Variants in SERPINB11 observed in about 807,000 individuals in gnomAD.
The protein encoded by SERPINB11 is serpin family B member 11.
In SERPINB11, 32 loss-of-function variants were observed where a neutral mutation model predicts 36.7. The ratio of observed to expected loss-of-function variants is 0.87; its 90% CI spans 0.66 to 1.17. The LOEUF (loss-of-function observed/expected upper bound fraction) is 1.17, where lower values mean the gene tolerates loss of function less well. Ranked by LOEUF, SERPINB11 falls within the 50% of genes most tolerant of loss-of-function variation. The pLI is 0.00. For missense variants in SERPINB11, 528 were observed against 458.4 expected, an observed-to-expected ratio of 1.15 and a Z score of -1.39; for synonymous variants, 174 against 168.1, an observed-to-expected ratio of 1.04 and a Z score of -0.27.
chr18:63,707,838 T>A (rs1914412028), intron 1 of SERPINB11, among the ~76,000 whole-genome samples: 2 of 152,162 alleles, frequency 1.3e-5, no homozygotes, highest in South Asian at 4.1e-4. Flanking sequence ...CTTGGTGTAA[T>A]GTACTATACA....
intron 5 of SERPINB11, among the ~76,000 whole-genome samples, chr18:63,716,647 C>G (rs956044899): frequency 6.6e-6 from 1 of 152,104 alleles, no homozygotes. Context: ...TCTAGATATT[C>G]TATCATTTTC....
intron 1 of SERPINB11, among the ~76,000 whole-genome samples, chr18:63,707,218 G>GCCC (rs1422414933): frequency 1.3e-5 from 2 of 152,350 alleles, no homozygotes; most frequent in East Asian, 3.9e-4. Context: ...ACAAGGGAGT[G>GCCC]AAAGGGAAGG....
rs1568184442 is a variant in SERPINB11, at chr18:63,711,389, C to T, written c.223C>T (p.Pro75Ser). 5.6e-6 allele frequency: 9 copies of T among 1,599,774 alleles called. No individual in the cohort carries two copies. The highest frequency in any genetic ancestry group is 7.7e-6 in the Non-Finnish European group (9 of 1,167,682). Residue 75 changes from proline to serine, a missense_variant, in exon 3 of 8, where the codon CCT (proline) becomes TCT (serine). Physicochemically the swap from Pro to Ser is moderately conservative, Grantham distance 74. Coordinates refer to ENST00000544088, the MANE Select transcript of SERPINB11 (RefSeq NM_001370475.1). ...ATTAAAACCAGGGTTCAAGGACTCA[C>T]CTAAGGTATGATAATATTACTGAGT... ...DSLKPGFKDS[P>S]KCSQAGRIHS...
At chr18:63,719,580 A>G (rs1160570359) in intron 5 of SERPINB11, among the ~76,000 whole-genome samples, 3 of 152,146 alleles carry the variant, frequency 2.0e-5, no homozygotes, top group Admixed American at 1.3e-4. Context: ...TTTGTAATAC[A>G]CTAATTCTAG....
intron 4 of SERPINB11, 39 bp downstream of exon 4, chr18:63,712,732 C>A (rs763154195): frequency 1.3e-6 from 2 of 1,595,370 alleles, no homozygotes; most frequent in East Asian, 2.3e-5. Flanking sequence ...ACTTTCTTGG[C>A]GTCCTCTGAA....
At position 63,717,045 on chromosome 18, in the gene SERPINB11, G is replaced by T. The variant is rs538783941; in HGVS notation, c.475+893G>T. Among the ~76,000 whole-genome samples the T allele has an allele frequency of 1.8e-4, 27 of 152,112 alleles. No individual in the cohort carries two copies. In the South Asian group the frequency reaches 5.4e-3, roughly 30 times the overall value. On this transcript the variant is annotated intron_variant, in intron 5 of 7. Coordinates refer to ENST00000544088, the MANE Select transcript of SERPINB11 (RefSeq NM_001370475.1). ...AAGGTCCCCCTTAAATCCTCTTCTG[G>T]AAATAAGCCCCTTTTTTCCCAAATG...
intron 7 of SERPINB11, 138 bp downstream of exon 7, chr18:63,721,124 G>C (rs939429117): frequency 9.5e-6 from 8 of 838,512 alleles, no homozygotes; most frequent in Admixed American, 2.9e-5. Flanking sequence ...TTGTCCCGGG[G>C]GTGTGAAAGT....
chr18:63,719,736 G>A (rs1222161516), intron 5 of SERPINB11, among the ~76,000 whole-genome samples: 4 of 152,020 alleles, frequency 2.6e-5, no homozygotes, highest in East Asian at 3.9e-4. Context: ...GAAATTACTC[G>A]ATGTAACTAG....
intron 1 of SERPINB11, among the ~76,000 whole-genome samples, chr18:63,708,803 G>A (rs1356344690): frequency 6.6e-6 from 1 of 152,202 alleles, no homozygotes; most frequent in Non-Finnish European, 1.5e-5. Context: ...CCCAGGGTAT[G>A]ACTGTTCATA....
chr18:63,710,466 TGA>T, intron 2 of SERPINB11, 105 bp downstream of exon 2: 1 of 881,908 alleles, frequency 1.1e-6, no homozygotes, highest in South Asian at 2.3e-5. Flanking sequence ...ATTGCCATCT[TGA>T]GAGAGAAAAA....
chr18:63,706,826 G>A (rs1914383881), intron 1 of SERPINB11, among the ~76,000 whole-genome samples: 2 of 152,172 alleles, frequency 1.3e-5, no homozygotes, highest in Admixed American at 1.3e-4. Flanking sequence ...GTGTGTTATC[G>A]AGGACGCAAG....
In SERPINB11 at chr18:63,710,165, C is replaced by T; in HGVS notation, c.-15-14C>T. On this transcript the variant is annotated splice_polypyrimidine_tract_variant and intron_variant, in intron 1 of 7. Transcript: ENST00000544088. ...CAAGTGATGTTCTGAGAATTTTTTC[C>T]CTTCTGTTCTCAGGCAGTCGGCATA... 1.9e-6 allele frequency: 3 copies of T among 1,565,258 alleles called. No individual in the cohort carries two copies. The highest frequency in any genetic ancestry group is 1.2e-5 in the South Asian group (1 of 82,424).
chr18:63,721,376 T>C lies in SERPINB11; in HGVS notation c.774+390T>C, dbSNP rs927930721. 3.3e-5 allele frequency among the ~76,000 whole-genome samples: 5 copies of C among 152,180 alleles called. No homozygotes were observed. In the East Asian group the frequency reaches 9.6e-4, roughly 29 times the overall value. On this transcript the variant is annotated intron_variant, in intron 7 of 7. Coordinates refer to ENST00000544088, the MANE Select transcript of SERPINB11 (RefSeq NM_001370475.1). Reference sequence around the variant, plus strand: ...TCTGGGGGCAGTATTTCTGAGCCAATTGTACTTTCACAGGCTAACCATTTT... The same window carrying C: ...TCTGGGGGCAGTATTTCTGAGCCAACTGTACTTTCACAGGCTAACCATTTT...
intron 2 of SERPINB11, among the ~76,000 whole-genome samples, chr18:63,710,570 T>C (rs1477231407): frequency 6.6e-6 from 1 of 152,244 alleles, no homozygotes; most frequent in Non-Finnish European, 1.5e-5. Context: ...AAGCAACGTG[T>C]GGTCTCTTTT....
intron 4 of SERPINB11, among the ~76,000 whole-genome samples, chr18:63,715,326 G>C (rs1017038969): frequency 1.1e-4 from 17 of 152,094 alleles, no homozygotes; most frequent in African/African-American, 3.9e-4. Context: ...GAAATCTAGG[G>C]CCATGGGTGG....
chr18:63,705,465 G>C (rs1914348282), intron 1 of SERPINB11: 1 of 152,158 alleles, frequency 6.6e-6, no homozygotes, highest in South Asian at 2.1e-4. Flanking sequence ...AATTATAAGT[G>C]GTGTCTATGG....
chr18:63,709,782 C>T (rs1274989342), intron 1 of SERPINB11, among the ~76,000 whole-genome samples: 1 of 152,142 alleles, frequency 6.6e-6, no homozygotes, highest in Non-Finnish European at 1.5e-5. Flanking sequence ...AATATCTCGA[C>T]TGGCTGATCG....
intron 7 of SERPINB11, among the ~76,000 whole-genome samples, chr18:63,721,773 GC>G (rs1914821540): frequency 6.6e-6 from 1 of 152,164 alleles, no homozygotes; most frequent in South Asian, 2.1e-4. Context: ...CAGGACGTAC[GC>G]ATTTGGATTA....
intron 5 of SERPINB11, among the ~76,000 whole-genome samples, chr18:63,717,791 C>G (rs1427482833): frequency 6.6e-6 from 1 of 151,786 alleles, no homozygotes; most frequent in African/African-American, 2.4e-5. Flanking sequence ...TTTCCCATCT[C>G]TTAGTGGTGT....
Sources: allele counts gnomAD v4.1 joint callset (sites outside exome capture counted in the v4.1 genomes callset), GRCh38; gene constraint gnomAD v4.1.1; transcripts MANE v1.5; gene names NCBI Gene and HGNC (gene_info 2026-07-23, HGNC 2026-07-21).